Variants in USH2A observed in about 807,000 individuals in gnomAD.
USH2A encodes usherin.
USH2A carries 443 observed loss-of-function variants against 538.9 expected under a neutral mutation model. The ratio of observed to expected loss-of-function variants is 0.82; its 90% CI spans 0.76 to 0.89. USH2A has a LOEUF of 0.89. Among genes scored for constraint, USH2A ranks in the 40% least tolerant of loss-of-function variants. USH2A has a pLI of 0.00. For missense variants in USH2A, 6,633 were observed against 6,324.8 expected (o/e 1.05, Z -1.65); for synonymous variants, 2,413 against 2,273.5 (o/e 1.06, Z -1.75).
chr1:216,323,545 G>A lies in USH2A; in HGVS notation c.1479C>T (p.Tyr493=). Residue 493 remains tyrosine, a synonymous_variant, in exon 8 of 72, where the codon TAC becomes TAT. Transcript: ENST00000307340. ...TQIRFHFHGQ[Y]YTTETAVNLR... is the part of the protein sequence containing the mutation. ...GGTTAACAGCAGTCTCAGTTGTATA[G>A]TACTGCCCATGAAAATGAAACCTTA... The A allele has an allele frequency of 6.2e-7, 1 of 1,613,494 alleles. No individual in the cohort carries two copies. Among genetic ancestry groups the A allele is most frequent in the Non-Finnish European group, 8.5e-7 (1 of 1,179,740 alleles).
chr1:216,104,681 T>C (rs1356285226), intron 21 of USH2A, among the ~76,000 whole-genome samples: 1 of 152,172 alleles, frequency 6.6e-6, no homozygotes, highest in Non-Finnish European at 1.5e-5. Flanking sequence ...CAAGATGGAT[T>C]AAAGACTTAA....
chr1:216,194,285 T>C (rs971722844), intron 19 of USH2A: 2 of 151,954 alleles, frequency 1.3e-5, no homozygotes, highest in Non-Finnish European at 2.9e-5. Flanking sequence ...AAACTTCCAT[T>C]AGTGGTGAAC....
chr1:215,810,694 A>C (rs1033061680), intron 49 of USH2A, among the ~76,000 whole-genome samples: 8 of 152,200 alleles, frequency 5.3e-5, no homozygotes, highest in African/African-American at 1.9e-4. Context: ...GATATGAATC[A>C]TACATGAAAA....
Position 215,912,296 on chromosome 1 carries a change from C to T in USH2A, c.7301-11391G>A, listed in dbSNP as rs554627384. On this transcript the variant is annotated intron_variant, in intron 38 of 71. Coordinates refer to ENST00000307340, the MANE Select transcript of USH2A (RefSeq NM_206933.4). Reference sequence around the variant, plus strand: ...CCCAGACCTATGTCCTATAGATTTTCCCCAATGTTTTCTTGTAGTAACTTG... The same window carrying T: ...CCCAGACCTATGTCCTATAGATTTTTCCCAATGTTTTCTTGTAGTAACTTG... Among the ~76,000 whole-genome samples, 431 of 151,916 alleles carry T rather than the reference C, an allele frequency of 2.8e-3. 2 individuals are homozygous for T. The highest frequency in any genetic ancestry group is 1.0e-2 in the African/African-American group (414 of 41,476).
chr1:216,226,912 G>A (rs2035573831), intron 14 of USH2A, among the ~76,000 whole-genome samples: 1 of 152,106 alleles, frequency 6.6e-6, no homozygotes, highest in Non-Finnish European at 1.5e-5. Flanking sequence ...CCAAACCTGG[G>A]TAGACTGTCT....
At chr1:215,935,517 T>C (rs982722902) in intron 37 of USH2A, among the ~76,000 whole-genome samples, 9 of 151,974 alleles carry the variant, frequency 5.9e-5, no homozygotes, top group African/African-American at 2.2e-4. Context: ...CTCACCCTGG[T>C]CCCAACACCA....
chr1:215,850,786 T>A (rs772388863), intron 44 of USH2A, among the ~76,000 whole-genome samples: 1 of 152,198 alleles, frequency 6.6e-6, no homozygotes, highest in East Asian at 1.9e-4. Flanking sequence ...ATAGTCCATA[T>A]GATAAGCCAC....
At chr1:215,915,857 A>G (rs376230298) in intron 38 of USH2A, among the ~76,000 whole-genome samples, 1 of 152,006 alleles carries the variant, frequency 6.6e-6, no homozygotes, top group East Asian at 1.9e-4. Context: ...CTATGCAGCC[A>G]TAAAAAAGGA....
At chr1:216,280,361 A>G (rs2036750425) in intron 11 of USH2A, among the ~76,000 whole-genome samples, 1 of 152,028 alleles carries the variant, frequency 6.6e-6, no homozygotes, top group African/African-American at 2.4e-5. Flanking sequence ...GGATCTGATG[A>G]AAGTACTGAA....
At position 216,251,068 on chromosome 1, in the gene USH2A, C is replaced by T. The variant is rs1404273822; in HGVS notation, c.2002G>A (p.Val668Met). 14 of 1,614,018 alleles carry T rather than the reference C, an allele frequency of 8.7e-6. No individual in the cohort carries two copies. The highest frequency in any genetic ancestry group is 1.1e-5 in the Non-Finnish European group (13 of 1,179,990). ...CACTGATTGCACTGCCTGCCAGACA[C>T]GTGTCTCTTACAATTACACTGTCCT... ...IGGQCNCKRH[V>M]SGRQCNQCQN... Residue 668 changes from valine to methionine, a missense_variant, in exon 12 of 72, where the codon GTG (valine) becomes ATG (methionine). By Grantham distance (21) the Val-to-Met change is conservative. Transcript: ENST00000307340.
At chr1:215,732,486 C>A (rs1408706580) in intron 60 of USH2A, among the ~76,000 whole-genome samples, 1 of 148,276 alleles carries the variant, frequency 6.7e-6, no homozygotes, top group Non-Finnish European at 1.5e-5. Context: ...GCTTTGGTAT[C>A]TGCTAATTCT....
intron 47 of USH2A, among the ~76,000 whole-genome samples, chr1:215,831,753 A>T (rs1032214371): frequency 6.6e-6 from 1 of 152,094 alleles, no homozygotes; most frequent in Non-Finnish European, 1.5e-5. Flanking sequence ...GAAAGTTTTC[A>T]TCTTTAAGAA....
At chr1:215,662,061 G>T (rs535735551) in intron 64 of USH2A, among the ~76,000 whole-genome samples, 155 of 152,296 alleles carry the variant, frequency 1.0e-3, no homozygotes, top group African/African-American at 3.7e-3. Flanking sequence ...TAGTAACTAG[G>T]TATACACTTT....
intron 32 of USH2A, among the ~76,000 whole-genome samples, chr1:216,022,175 A>C (rs982782900): frequency 1.3e-5 from 2 of 152,074 alleles, no homozygotes; most frequent in Non-Finnish European, 2.9e-5. Flanking sequence ...GAGCCAATTA[A>C]ACCTCTTTTC....
At chr1:216,096,673 C>T (rs539483326) in intron 22 of USH2A, among the ~76,000 whole-genome samples, 46 of 151,862 alleles carry the variant, frequency 3.0e-4, no homozygotes, top group Non-Finnish European at 5.1e-4. Context: ...ACGCCCAGTA[C>T]CATAGTACCC....
chr1:215,965,988 T>C (rs1667335640), intron 36 of USH2A, among the ~76,000 whole-genome samples: 1 of 149,848 alleles, frequency 6.7e-6, no homozygotes, highest in South Asian at 2.1e-4. Flanking sequence ...TGTACAGGCA[T>C]GCACGCACAC....
chr1:216,179,176 T>C (rs533844346), intron 20 of USH2A, among the ~76,000 whole-genome samples: 1 of 152,218 alleles, frequency 6.6e-6, no homozygotes, highest in South Asian at 2.1e-4. Context: ...CCCCCATCAG[T>C]AGCATAATCC....
chr1:216,319,566 A>T (rs773226365), intron 9 of USH2A, among the ~76,000 whole-genome samples: 36 of 152,276 alleles, frequency 2.4e-4, no homozygotes, highest in Non-Finnish European at 4.4e-4. Flanking sequence ...GATGTATATA[A>T]AGTAGTGATC....
intron 64 of USH2A, among the ~76,000 whole-genome samples, chr1:215,653,254 TG>T (rs1657137315): frequency 6.6e-6 from 1 of 152,192 alleles, no homozygotes; most frequent in Non-Finnish European, 1.5e-5. Flanking sequence ...TAAAAACACT[TG>T]GGCCTCAGTA....
Sources: allele counts gnomAD v4.1 joint callset (sites outside exome capture counted in the v4.1 genomes callset), GRCh38; gene constraint gnomAD v4.1.1; transcripts MANE v1.5; gene names NCBI Gene and HGNC (gene_info 2026-07-23, HGNC 2026-07-21).